CSGALNACT1: variants seen among roughly 807,000 people sequenced by gnomAD.
The protein encoded by CSGALNACT1 is beta4GalNAcT-1.
Under a neutral mutation model 51.0 loss-of-function variants are expected in CSGALNACT1, and 52 were observed. The ratio of observed to expected loss-of-function variants is 1.02; its 90% CI spans 0.82 to 1.29. CSGALNACT1 has a LOEUF of 1.29. Among genes scored for constraint, CSGALNACT1 ranks in the 50% most tolerant of loss-of-function variants. The pLI is 0.00. For synonymous variants in CSGALNACT1, 341 were observed against 254.4 expected, an observed-to-expected ratio of 1.34 and a Z score of -3.24; for missense variants, 935 against 679.2, an observed-to-expected ratio of 1.38 and a Z score of -4.19.
chr8:19,612,946 G>GAAAAAAAAAAAAAAAAAAAAAAAAAAAAA (rs1165754811), intron 1 of CSGALNACT1, among the ~76,000 whole-genome samples: 1 of 15,428 alleles, frequency 6.5e-5, no homozygotes. Flanking sequence ...AAAGCAGCTG[G>GAAAAAAAAAAAAAAAAAAAAAAAAAAAAA]AAAAAAAAAA....
At chr8:19,495,177 C>G (rs1032342190) in intron 4 of CSGALNACT1, 12 of 152,172 alleles carry the variant, frequency 7.9e-5, no homozygotes, top group Non-Finnish European at 1.6e-4. Context: ...TCATCAGGGC[C>G]ATCCACATGT....
At chr8:19,509,374 C>T (rs1476868429) in intron 3 of CSGALNACT1, among the ~76,000 whole-genome samples, 2 of 152,078 alleles carry the variant, frequency 1.3e-5, no homozygotes, top group African/African-American at 4.8e-5. Flanking sequence ...AATCCCAGCA[C>T]TTTGGGAGGC....
intron 1 of CSGALNACT1, among the ~76,000 whole-genome samples, chr8:19,623,387 A>G (rs547126309): frequency 6.6e-6 from 1 of 152,342 alleles, no homozygotes; most frequent in Admixed American, 6.5e-5. Context: ...TTGAACAAAA[A>G]TGTTTCTATA....
rs10094142 is a variant in CSGALNACT1, at chr8:19,550,775, T to C, written c.-297+40385A>G. On this transcript the variant is annotated intron_variant, in intron 3 of 9. Coordinates refer to ENST00000454498, the Ensembl canonical transcript of CSGALNACT1. Reference sequence around the variant, plus strand: ...TGTGAATCCTCTAATCCTGGCATGGTGGAAGATAAGCCCCATTGTCAGAGT... The same window carrying C: ...TGTGAATCCTCTAATCCTGGCATGGCGGAAGATAAGCCCCATTGTCAGAGT... Among the ~76,000 whole-genome samples the C allele has an allele frequency of 6.1e-3, 922 of 152,276 alleles. 10 individuals are homozygous for C. Among genetic ancestry groups the C allele is most frequent in the African/African-American group, 0.021 (873 of 41,548 alleles).
chr8:19,720,004 C>T (rs61419914), intron 1 of CSGALNACT1, among the ~76,000 whole-genome samples: 3,864 of 152,234 alleles, frequency 0.025, 176 homozygotes, highest in African/African-American at 0.086. Context: ...CCCTTTTGAC[C>T]TCACTTTTTG....
intron 2 of CSGALNACT1, among the ~76,000 whole-genome samples, chr8:19,596,058 G>C (rs952533522): frequency 6.6e-6 from 1 of 151,876 alleles, no homozygotes; most frequent in Non-Finnish European, 1.5e-5. Context: ...ATAGAGACAG[G>C]GGTCTTGTCA....
intron 1 of CSGALNACT1, among the ~76,000 whole-genome samples, chr8:19,677,193 TGA>T (rs1209956164): frequency 6.6e-6 from 1 of 152,098 alleles, no homozygotes; most frequent in Non-Finnish European, 1.5e-5. Flanking sequence ...ACTGCAGCCT[TGA>T]GTTTTTGGGC....
At chr8:19,559,009 G>C (rs2040108453) in intron 3 of CSGALNACT1, among the ~76,000 whole-genome samples, 1 of 152,072 alleles carries the variant, frequency 6.6e-6, no homozygotes, top group African/African-American at 2.4e-5. Context: ...TACATGCATA[G>C]GTAAACAGTT....
chr8:19,573,002 G>T (rs1054297130), intron 3 of CSGALNACT1, among the ~76,000 whole-genome samples: 5 of 152,190 alleles, frequency 3.3e-5, no homozygotes, highest in Admixed American at 3.3e-4. Flanking sequence ...GTTACAACTG[G>T]TGGAAATGAT....
intron 1 of CSGALNACT1, among the ~76,000 whole-genome samples, chr8:19,751,589 T>C (rs1167000474): frequency 6.6e-6 from 1 of 152,184 alleles, no homozygotes; most frequent in Non-Finnish European, 1.5e-5. Context: ...CCAACAGTTA[T>C]ATATTGATAT....
chr8:19,612,465 C>G (rs1444078168), intron 1 of CSGALNACT1, among the ~76,000 whole-genome samples: 4 of 152,100 alleles, frequency 2.6e-5, no homozygotes, highest in African/African-American at 7.2e-5. Flanking sequence ...TTGCAAGATT[C>G]TTCACTATTT....
chr8:19,499,114 C>G (rs1323936730), intron 4 of CSGALNACT1, among the ~76,000 whole-genome samples: 4 of 152,102 alleles, frequency 2.6e-5, no homozygotes, highest in Non-Finnish European at 5.9e-5. Flanking sequence ...GACCCTGTCT[C>G]AAAAACAAAC....
chr8:19,666,937 GAGAGAAAAAGAAAGAAAGAAAGAA>G lies in CSGALNACT1; in HGVS notation c.-544+15512_-544+15535del, dbSNP rs1564384689. On this transcript the variant is annotated intron_variant, in intron 1 of 9. Coordinates refer to the CSGALNACT1 transcript ENST00000332246. ...AGGGAGGAAGGGAGAGACAGAGAGAGAGAGAAAAAGAAAGAAAGAAAGAAAGAAAGAAAGAAAGAAAGAAAGAAA... is the reference window on the plus strand; with the variant it reads ...AGGGAGGAAGGGAGAGACAGAGAGAGAGAAAGAAAGAAAGAAAGAAAGAAA... 1.6e-4 allele frequency among the ~76,000 whole-genome samples: 20 copies of G among 127,836 alleles called. 1 individual carries two copies. Among genetic ancestry groups the G allele is most frequent in the African/African-American group, 5.7e-4 (19 of 33,386 alleles). 83.9% of individuals were successfully genotyped at this position (127,836 alleles called of 152,430 possible). A position where few individuals can be genotyped will look rare whatever the true frequency, so the allele number is the denominator to read the frequency against.
At chr8:19,561,182 GATCAGGAA>G (rs2040624064) in intron 3 of CSGALNACT1, among the ~76,000 whole-genome samples, 1 of 152,174 alleles carries the variant, frequency 6.6e-6, no homozygotes, top group Non-Finnish European at 1.5e-5. Flanking sequence ...AAAGGAGTGT[GATCAGGAA>G]GGGACTCATG....
intron 3 of CSGALNACT1, among the ~76,000 whole-genome samples, chr8:19,572,649 T>C (rs2043276018): frequency 1.3e-5 from 2 of 152,190 alleles, no homozygotes; most frequent in Admixed American, 6.5e-5. Flanking sequence ...CAAATAAAAT[T>C]ACTATTTTTT....
At chr8:19,642,560 C>G (rs2056846811) in intron 1 of CSGALNACT1, among the ~76,000 whole-genome samples, 1 of 152,032 alleles carries the variant, frequency 6.6e-6, no homozygotes, top group Admixed American at 6.6e-5. Context: ...CACTTGAGCT[C>G]AGGAGTTTGA....
chr8:19,645,434 T>C (rs2057177998), intron 1 of CSGALNACT1, among the ~76,000 whole-genome samples: 1 of 152,194 alleles, frequency 6.6e-6, no homozygotes, highest in African/African-American at 2.4e-5. Flanking sequence ...ATTGTCTAGA[T>C]TTTGAAGTCA....
At chr8:19,430,153 T>C (rs1445815490) in intron 6 of CSGALNACT1, among the ~76,000 whole-genome samples, 2 of 152,260 alleles carry the variant, frequency 1.3e-5, no homozygotes, top group Non-Finnish European at 2.9e-5. Flanking sequence ...TCCCATTATA[T>C]AAGCTGTCTT....
At chr8:19,646,905 G>C (rs1244120898) in intron 1 of CSGALNACT1, among the ~76,000 whole-genome samples, 1 of 152,078 alleles carries the variant, frequency 6.6e-6, no homozygotes, top group Non-Finnish European at 1.5e-5. Flanking sequence ...AGTTGCTAAG[G>C]AGAAATAACA....
Sources: gnomAD v4.1 joint callset for allele counts (sites outside exome capture counted in the v4.1 genomes callset) on GRCh38, gnomAD v4.1.1 for gene constraint, MANE v1.5 for transcripts, NCBI Gene and HGNC (gene_info 2026-07-23, HGNC 2026-07-21) for gene names.